The following CHN1 variants were observed in gnomAD, a reference collection of about 807,000 sequenced individuals.
CHN1 encodes chimerin 1, also known as N-chimaerin.
Under a neutral mutation model 59.5 loss-of-function variants are expected in CHN1, and 37 were observed. The observed-to-expected ratio is 0.62, with a 90% confidence interval of 0.48 to 0.82. The LOEUF is 0.82. CHN1 is among the 40% of genes least tolerant of loss of function. The probability of loss-of-function intolerance (pLI) is 0.00; values close to 1 mark genes in which losing one functional copy is unlikely to be tolerated. For missense variants in CHN1, 469 were observed against 571.0 expected (o/e 0.82, Z 1.82); for synonymous variants, 206 against 200.4 (o/e 1.03, Z -0.24).
At chr2:174,883,969 T>C (rs1357381499) in intron 5 of CHN1, among the ~76,000 whole-genome samples, 1 of 147,166 alleles carries the variant, frequency 6.8e-6, no homozygotes, top group Non-Finnish European at 1.5e-5. Flanking sequence ...TAACTTCTTT[T>C]TTTTTTTTTT....
intron 1 of CHN1, among the ~76,000 whole-genome samples, chr2:174,973,862 T>C (rs1470563947): frequency 1.3e-5 from 2 of 152,192 alleles, no homozygotes; most frequent in Non-Finnish European, 2.9e-5. Flanking sequence ...CCTTTATTCC[T>C]GAAGTATCTG....
chr2:174,961,869 C>T (rs1351058168), intron 1 of CHN1, among the ~76,000 whole-genome samples: 1 of 152,058 alleles, frequency 6.6e-6, no homozygotes, highest in Non-Finnish European at 1.5e-5. Context: ...AGTATTATTA[C>T]AAAAATAGTC....
intron 2 of CHN1, among the ~76,000 whole-genome samples, chr2:174,945,893 C>A (rs994214467): frequency 6.6e-6 from 1 of 151,640 alleles, no homozygotes; most frequent in Non-Finnish European, 1.5e-5. Context: ...AGACTATACA[C>A]ACATACATAA....
At chr2:174,986,245 A>C (rs1299123773) in intron 1 of CHN1, among the ~76,000 whole-genome samples, 1 of 152,220 alleles carries the variant, frequency 6.6e-6, no homozygotes, top group Non-Finnish European at 1.5e-5. Flanking sequence ...TTACTCTCCT[A>C]ATTTTATAAT....
intron 5 of CHN1, among the ~76,000 whole-genome samples, chr2:174,881,560 C>T (rs1036216179): frequency 1.9e-4 from 29 of 152,088 alleles, no homozygotes; most frequent in Admixed American, 1.2e-3. Context: ...GTGGTAGTTC[C>T]CTTTCTCCTT....
At chr2:174,832,734 C>T (rs1253579489) in intron 7 of CHN1, among the ~76,000 whole-genome samples, 4 of 152,036 alleles carry the variant, frequency 2.6e-5, no homozygotes, top group Admixed American at 2.6e-4. Flanking sequence ...ATGATAGGGA[C>T]ACTCTCTGAG....
chr2:174,847,446 AT>A lies in CHN1; in HGVS notation c.550-490del, dbSNP rs200985507. On this transcript the variant is annotated intron_variant, in intron 6 of 12. Coordinates refer to ENST00000409900, the MANE Select transcript of CHN1 (RefSeq NM_001822.7). ...AAAACACTCAGCATCTCTCTTTATC[AT>A]TTTTTAAAAGGCATGCAATTTTGAC... 1.2e-3 allele frequency: 1,460 copies of A among 1,193,094 alleles called. 12 individuals are homozygous for A. The African/African-American group carries it at 0.021, about 17-fold the overall frequency. 73.9% of individuals were successfully genotyped at this position (1,193,094 alleles called of 1,614,324 possible).
intron 1 of CHN1, among the ~76,000 whole-genome samples, chr2:175,004,024 T>C (rs1691978902): frequency 1.3e-5 from 2 of 152,252 alleles, no homozygotes. Context: ...TAGGCTGTTC[T>C]CGTAGCTATC....
chr2:174,952,015 C>G, intron 2 of CHN1, 149 bp downstream of exon 2: 5 of 503,132 alleles, frequency 9.9e-6, no homozygotes, highest in Non-Finnish European at 1.7e-5. Context: ...CTTACTTAAC[C>G]ACAATTATTT....
chr2:174,969,573 G>A (rs1025886959), intron 1 of CHN1, among the ~76,000 whole-genome samples: 4 of 151,944 alleles, frequency 2.6e-5, no homozygotes, highest in East Asian at 3.9e-4. Context: ...CTGTTTCTTC[G>A]GTCTAGAATC....
At chr2:174,852,838 C>A (rs112536325) in intron 6 of CHN1, among the ~76,000 whole-genome samples, 27 of 152,186 alleles carry the variant, frequency 1.8e-4, no homozygotes, top group Non-Finnish European at 3.5e-4. Flanking sequence ...AGAAAGGACT[C>A]CCTAAGAAAC....
intron 5 of CHN1, among the ~76,000 whole-genome samples, chr2:174,895,198 G>GTA (rs373448897): frequency 0.011 from 1,594 of 141,074 alleles, 7 homozygotes; most frequent in African/African-American, 0.015. Flanking sequence ...GTGTGTGTGT[G>GTA]TATATATATA....
intron 1 of CHN1, among the ~76,000 whole-genome samples, chr2:174,979,788 G>A (rs1318424958): frequency 2.6e-5 from 4 of 152,160 alleles, no homozygotes; most frequent in Non-Finnish European, 4.4e-5. Flanking sequence ...AGCTGAGGCA[G>A]GAGAATTGCT....
intron 6 of CHN1, chr2:174,847,203 G>C: frequency 2.0e-6 from 3 of 1,479,510 alleles, no homozygotes; most frequent in Non-Finnish European, 2.7e-6. Context: ...GCTAACACAT[G>C]AGCATTCTGC....
At chr2:174,948,439 G>A (rs1452013429) in intron 2 of CHN1, among the ~76,000 whole-genome samples, 2 of 152,084 alleles carry the variant, frequency 1.3e-5, no homozygotes, top group African/African-American at 4.8e-5. Context: ...GTACTGAAAA[G>A]CGACAAAACC....
chr2:175,001,134 TA>T (rs1691876206), intron 1 of CHN1, among the ~76,000 whole-genome samples: 2 of 152,168 alleles, frequency 1.3e-5, no homozygotes, highest in Non-Finnish European at 2.9e-5. Flanking sequence ...GACAAAAATT[TA>T]AATAAGGATG....
At chr2:174,925,555 A>G (rs777884527) in intron 3 of CHN1, among the ~76,000 whole-genome samples, 1 of 152,160 alleles carries the variant, frequency 6.6e-6, no homozygotes, top group African/African-American at 2.4e-5. Flanking sequence ...TAAGGTCTAA[A>G]AGAGACATTT....
chr2:174,939,909 T>C (rs1302702402), intron 3 of CHN1, among the ~76,000 whole-genome samples: 2 of 152,256 alleles, frequency 1.3e-5, no homozygotes, highest in East Asian at 3.8e-4. Context: ...AAATTGGTTC[T>C]CTTTGTTAAC....
chr2:174,826,028 C>T (rs1685669301), intron 7 of CHN1, among the ~76,000 whole-genome samples: 1 of 152,204 alleles, frequency 6.6e-6, no homozygotes, highest in Admixed American at 6.5e-5. Context: ...TATAAAGCTG[C>T]AAGGGATAAC....
Sources: allele counts gnomAD v4.1 joint callset (sites outside exome capture counted in the v4.1 genomes callset), GRCh38; gene constraint gnomAD v4.1.1; transcripts MANE v1.5; gene names NCBI Gene and HGNC (gene_info 2026-07-23, HGNC 2026-07-21).